Variants in SAT1 observed in about 807,000 individuals in gnomAD.
SAT1 encodes the protein diamine acetyltransferase 1.
Under a neutral mutation model 14.7 loss-of-function variants are expected in SAT1, and 1 was observed. The observed-to-expected ratio is 0.07, with a 90% CI of 0.02 to 0.32. The LOEUF (loss-of-function observed/expected upper bound fraction) is 0.32. Among genes scored for constraint, SAT1 ranks in the 10% least tolerant of loss-of-function variants. The pLI is 1.00. For synonymous variants in SAT1, 67 were observed against 46.1 expected, an observed-to-expected ratio of 1.45 and a Z score of -1.84; for missense variants, 77 against 129.1, an observed-to-expected ratio of 0.60 and a Z score of 1.96.
intron 3 of SAT1, 141 bp downstream of exon 3, chrX:23,784,024 C>A (rs779096573): frequency 1.8e-6 from 2 of 1,134,947 alleles, no homozygotes; most frequent in South Asian, 2.1e-5. Context: ...GTTCAAACTA[C>A]TGAGGAAAAA....
intron 1 of SAT1, 96 bp from the exon 2 acceptor site, chrX:23,783,562 A>ACCCCCC: frequency 1.5e-6 from 1 of 673,083 alleles, no homozygotes; most frequent in Non-Finnish European, 2.2e-6. Flanking sequence ...CTCGGCCGCC[A>ACCCCCC]CCCCGCCCGC....
chrX:23,786,032 G>T lies in SAT1; in HGVS notation c.*176G>T. On this transcript the variant is annotated 3_prime_UTR_variant, in exon 6 of 6. Coordinates refer to ENST00000379270, the MANE Select transcript of SAT1 (RefSeq NM_002970.4). ...TCTGTTTAAAGTGGCAATCTCAGAT[G>T]CAGTTTGGAGAGTCAGATCTTTCTC... 2.6e-6 allele frequency: 1 copy of T among 380,199 alleles called. No homozygotes were observed. 31.3% of individuals were successfully genotyped at this position (380,199 alleles called of 1,213,427 possible). A position where few individuals can be genotyped will look rare whatever the true frequency, so the allele number is the denominator to read the frequency against.
At chrX:23,783,756 A>C in intron 2 of SAT1, 44 bp from the exon 3 acceptor site, 1 of 1,209,800 alleles carries the variant, frequency 8.3e-7, no homozygotes, top group Non-Finnish European at 1.1e-6. Context: ...GGTGCCTGTC[A>C]CCTTCGCCAA....
chrX:23,785,743 C>T lies in SAT1; in HGVS notation c.403C>T (p.Pro135Ser). 8.3e-7 allele frequency: 1 copy of T among 1,208,880 alleles called. No homozygotes were observed. The highest frequency in any genetic ancestry group is 1.7e-5 in the African/African-American group (1 of 57,680). Reference sequence around the variant, plus strand: ...CTTCTTGGTAGCAGAATGGAATGAACCATCCATCAACTTCTATAAAAGAAG... The same window carrying T: ...CTTCTTGGTAGCAGAATGGAATGAATCATCCATCAACTTCTATAAAAGAAG... ...MHFLVAEWNE[P>S]SINFYKRRGA... is the part of the protein sequence containing the mutation. The change falls in exon 6 of 6, where the codon CCA becomes TCA. Residue 135 changes from proline (P) to serine (S), a missense_variant. Pro to Ser is a moderately conservative substitution (Grantham distance 74, BLOSUM62 -1). Transcript: ENST00000379270.
At chrX:23,784,197 T>C (rs1162731203) in intron 3 of SAT1, 1 of 889,920 alleles carries the variant, frequency 1.1e-6, no homozygotes, top group East Asian at 4.0e-5. Context: ...TTTGTTGTAA[T>C]TCAGTTTCAT....
At chrX:23,784,737 C>G (rs746811448) in intron 3 of SAT1, 1 of 110,816 alleles carries the variant, frequency 9.0e-6, no homozygotes, top group African/African-American at 3.3e-5. Context: ...GTGCATGTTA[C>G]GTAATACCTG....
At chrX:23,785,594 G>A in intron 5 of SAT1, 34 bp downstream of exon 5, 1 of 1,190,257 alleles carries the variant, frequency 8.4e-7, no homozygotes. Context: ...AAATTTGTAA[G>A]TTTACTGGAT....
chrX:23,783,942 C>T (rs1336387171), intron 3 of SAT1, 59 bp downstream of exon 3: 5 of 1,207,720 alleles, frequency 4.1e-6, no homozygotes, highest in Admixed American at 2.2e-5. Context: ...GAAGTAGTGT[C>T]GGCTGTGTAG....
rs749496374 is a variant in SAT1, at chrX:23,783,270, G to C, written c.-82G>C. The C allele has an allele frequency of 4.2e-6, 4 of 949,372 alleles. No homozygotes were observed. In the Admixed American group the frequency reaches 7.1e-5, roughly 17 times the overall value. 78.2% of individuals were successfully genotyped at this position (949,372 alleles called of 1,213,427 possible). A position where few individuals can be genotyped will look rare whatever the true frequency, so the allele number is the denominator to read the frequency against. ...CCTGACTGAGAAGAGGACGCTCCCGGGAGACGAATGAGGAACCACCTCCTC... is the reference window on the plus strand; with the variant it reads ...CCTGACTGAGAAGAGGACGCTCCCGCGAGACGAATGAGGAACCACCTCCTC... On this transcript the variant is annotated 5_prime_UTR_variant, in exon 1 of 6. Transcript: ENST00000379270.
chrX:23,784,213 G>T, intron 3 of SAT1: 1 of 881,408 alleles, frequency 1.1e-6, no homozygotes, highest in Non-Finnish European at 1.4e-6. Context: ...TTCATAAAAT[G>T]GTTCTTGTTT....
At chrX:23,785,496 T>C (rs751238388) in intron 4 of SAT1, 24 bp from the exon 5 acceptor site, 2 of 1,196,461 alleles carry the variant, frequency 1.7e-6, no homozygotes, top group Non-Finnish European at 1.1e-6. Flanking sequence ...CAATGACTTT[T>C]TAAATTGTAC....
At chrX:23,785,129 C>A (rs1569214238) in intron 3 of SAT1, 199 bp from the exon 4 acceptor site, 1 of 440,636 alleles carries the variant, frequency 2.3e-6, no homozygotes, top group Admixed American at 4.0e-5. Flanking sequence ...TTTGCAAATA[C>A]ATGTTCTCAG....
chrX:23,783,305 A>C lies in SAT1; in HGVS notation c.-47A>C, dbSNP rs781732282. ...GAGGAACCACCTCCTCCTACTGTTCAAGTACAGGGGCCTGGTCCGCAAAGG... is the reference window on the plus strand; with the variant it reads ...GAGGAACCACCTCCTCCTACTGTTCCAGTACAGGGGCCTGGTCCGCAAAGG... On this transcript the variant is annotated 5_prime_UTR_variant, in exon 1 of 6. Transcript: ENST00000379270. The C allele has an allele frequency of 8.7e-7, 1 of 1,148,484 alleles. No homozygotes were observed. The highest frequency in any genetic ancestry group is 1.8e-5 in the African/African-American group (1 of 56,249). The allele number at this position is 1,148,484 out of a possible 1,213,427, so 94.6% of individuals were successfully genotyped here.
chrX:23,784,177 T>C, intron 3 of SAT1: 1 of 922,102 alleles, frequency 1.1e-6, no homozygotes, highest in Non-Finnish European at 1.4e-6. Flanking sequence ...AAGAGTTAGA[T>C]ATAATGTCAT....
intron 1 of SAT1, 75 bp from the exon 2 acceptor site, chrX:23,783,583 C>G: frequency 5.9e-6 from 3 of 512,180 alleles, no homozygotes; most frequent in East Asian, 5.5e-5. Context: ...CCGCCCCATT[C>G]CGTTCCCCTG....
chrX:23,785,638 G>C (rs1922689067), intron 5 of SAT1, 48 bp from the exon 6 acceptor site: 1 of 1,191,083 alleles, frequency 8.4e-7, no homozygotes, highest in African/African-American at 1.8e-5. Flanking sequence ...TGGGTCTTGA[G>C]AGCAGGCTGA....
Position 23,783,222 on chromosome X carries a change from G to C in SAT1, c.-130G>C, listed in dbSNP as rs1314095012. 3.0e-5 allele frequency: 17 copies of C among 574,055 alleles called. No individual in the cohort carries two copies. The highest frequency in any genetic ancestry group is 3.4e-4 in the Middle Eastern group (1 of 2,949). The allele number at this position is 574,055 out of a possible 1,213,427, so 47.3% of individuals were successfully genotyped here. On this transcript the variant is annotated 5_prime_UTR_variant, in exon 1 of 6. Transcript: ENST00000379270. ...CTGGTGTTTATCCGTCACTCGCCGA[G>C]GTTCCTTGGGTCATGGTGCCAGCCT...
chrX:23,784,860 G>T (rs1319672629), intron 3 of SAT1: 1 of 117,698 alleles, frequency 8.5e-6, no homozygotes, highest in Non-Finnish European at 1.8e-5. Context: ...CTGATGTTCT[G>T]ACCTTTAAGG....
chrX:23,785,628 TG>T, intron 5 of SAT1, 57 bp from the exon 6 acceptor site: 1 of 1,187,085 alleles, frequency 8.4e-7, no homozygotes, highest in African/African-American at 1.7e-5. Context: ...GAATAAAAAT[TG>T]GGTCTTGAGA....
Sources: gnomAD v4.1 joint callset for allele counts on GRCh38, gnomAD v4.1.1 for gene constraint, MANE v1.5 for transcripts, NCBI Gene and HGNC (gene_info 2026-07-23, HGNC 2026-07-21) for gene names.